The following PCDHGA4 variants were observed in gnomAD, a reference collection of about 807,000 sequenced individuals.
PCDHGA4 encodes protocadherin gamma-A4.
A neutral mutation model predicts 54.6 loss-of-function variants in PCDHGA4; 38 were observed. The observed-to-expected ratio is 0.70, with a 90% confidence interval of 0.54 to 0.91. The LOEUF (loss-of-function observed/expected upper bound fraction) is 0.91, where lower values mean the gene tolerates loss of function less well. Ranked by LOEUF, PCDHGA4 falls within the 40% of genes least tolerant of loss-of-function variation. The probability of loss-of-function intolerance (pLI) is 0.00; values close to 1 mark genes in which losing one functional copy is unlikely to be tolerated. For synonymous variants in PCDHGA4, 511 were observed against 512.9 expected (o/e 1.00, Z 0.05); for missense variants, 1,298 against 1,220.9 (o/e 1.06, Z -0.94).
intron 1 of PCDHGA4, chr5:141,361,681 G>A: frequency 1.2e-6 from 2 of 1,613,558 alleles, no homozygotes; most frequent in Admixed American, 1.7e-5. Context: ...GGTGGTGTTC[G>A]CGCAGCGCGC....
intron 1 of PCDHGA4, among the ~76,000 whole-genome samples, chr5:141,429,780 A>G (rs1301908729): frequency 1.3e-5 from 2 of 152,222 alleles, no homozygotes; most frequent in Non-Finnish European, 2.9e-5. Flanking sequence ...ATGGGCTTCC[A>G]AAAGTATTAC....
At chr5:141,419,600 G>A (rs1304962440) in intron 1 of PCDHGA4, 3 of 1,611,816 alleles carry the variant, frequency 1.9e-6, no homozygotes, top group Non-Finnish European at 2.5e-6. Context: ...AGTGCCGCGG[G>A]CCGCGCAGCC....
chr5:141,413,453 G>A lies in PCDHGA4; in HGVS notation c.2514+55832G>A, dbSNP rs761986113. 1.9e-5 allele frequency: 31 copies of A among 1,613,986 alleles called. 2 individuals carry two copies. In the South Asian group the frequency reaches 3.1e-4, roughly 16 times the overall value. On this transcript the variant is annotated intron_variant, in intron 1 of 3. Coordinates refer to ENST00000571252, the MANE Select transcript of PCDHGA4 (RefSeq NM_018917.4). ...AGCGGCAGCTTGATCACCGCGGGCA[G>A]GATAGACCGGGAGGAGCTCTGCGCT...
At chr5:141,510,408 T>C (rs1447722710) in intron 3 of PCDHGA4, among the ~76,000 whole-genome samples, 1 of 151,878 alleles carries the variant, frequency 6.6e-6, no homozygotes, top group African/African-American at 2.4e-5. Flanking sequence ...GCTAGGGGCA[T>C]GTAAAGCCAT....
chr5:141,409,669 C>A, intron 1 of PCDHGA4: 1 of 1,613,528 alleles, frequency 6.2e-7, no homozygotes, highest in Non-Finnish European at 8.5e-7. Context: ...ACATCTCCTA[C>A]TCTATAGTGG....
chr5:141,375,956 G>A (rs760158486), intron 1 of PCDHGA4: 16 of 1,613,506 alleles, frequency 9.9e-6, no homozygotes, highest in South Asian at 3.3e-5. Flanking sequence ...GCACACGGGC[G>A]AGGTGCGCAC....
intron 1 of PCDHGA4, chr5:141,370,473 C>A: frequency 6.2e-7 from 1 of 1,613,496 alleles, no homozygotes; most frequent in Non-Finnish European, 8.5e-7. Flanking sequence ...TTTGTTAGAC[C>A]AGGCTCTCTC....
intron 3 of PCDHGA4, 31 bp downstream of exon 3, chr5:141,505,512 T>C (rs754223095): frequency 6.2e-7 from 1 of 1,613,676 alleles, no homozygotes; most frequent in South Asian, 1.1e-5. Context: ...TATGGAAGAG[T>C]GGGAGACCTG....
rs947567666 is a variant in PCDHGA4, at chr5:141,422,270, T to C, written c.2514+64649T>C. ...GATGTGAATGATAACGCTCCAGAAA[T>C]AACTATCACCTCTTCTATTAATTCA... On this transcript the variant is annotated intron_variant, in intron 1 of 3. Transcript: ENST00000571252. 2.6e-6 allele frequency: 4 copies of C among 1,562,452 alleles called. No homozygotes were observed. The East Asian group carries it at 9.0e-5, about 35-fold the overall frequency.
At chr5:141,425,214 A>G (rs999893857) in intron 1 of PCDHGA4, among the ~76,000 whole-genome samples, 2 of 152,178 alleles carry the variant, frequency 1.3e-5, no homozygotes, top group Non-Finnish European at 2.9e-5. Context: ...AAGGCATTGT[A>G]CTTTGACTGG....
Position 141,356,080 on chromosome 5 carries a change from T to G in PCDHGA4, c.973T>G (p.Leu325Val). ...VRDKISQLFQ[L>V]NSLSGDITIL... ...AGACAAAATATCACAGCTATTTCAG[T>G]TGAATTCTCTGAGTGGGGATATAAC... The change falls in exon 1 of 4, where the codon TTG becomes GTG. Residue 325 changes from leucine (L) to valine (V), a missense_variant. By Grantham distance (32) the Leu-to-Val change is conservative. Transcript: ENST00000571252. 5.6e-6 allele frequency: 9 copies of G among 1,613,922 alleles called. No homozygotes were observed. The highest frequency in any genetic ancestry group is 7.6e-6 in the Non-Finnish European group (9 of 1,179,880).
intron 1 of PCDHGA4, chr5:141,418,005 A>G: frequency 6.2e-7 from 1 of 1,613,764 alleles, no homozygotes. Flanking sequence ...GTGGTGGGGA[A>G]CCTCGCTAAG....
At chr5:141,500,450 C>A (rs2099800340) in intron 2 of PCDHGA4, among the ~76,000 whole-genome samples, 1 of 152,072 alleles carries the variant, frequency 6.6e-6, no homozygotes, top group Non-Finnish European at 1.5e-5. Flanking sequence ...ACCTCGTGAT[C>A]CGCCCGCCTC....
intron 1 of PCDHGA4, 102 bp downstream of exon 1, chr5:141,357,723 T>TA: frequency 7.2e-6 from 10 of 1,391,112 alleles, no homozygotes; most frequent in Middle Eastern, 3.8e-4. Context: ...AAGTTGCCTC[T>TA]TTTAATATTT....
At chr5:141,375,816 C>A (rs755968729) in intron 1 of PCDHGA4, 6 of 1,614,194 alleles carry the variant, frequency 3.7e-6, no homozygotes, top group South Asian at 3.3e-5. Context: ...GTGGAGCTGG[C>A]GCCCCGCTCC....
intron 1 of PCDHGA4, among the ~76,000 whole-genome samples, chr5:141,473,185 G>A (rs1171761852): frequency 1.3e-5 from 2 of 152,188 alleles, no homozygotes; most frequent in Non-Finnish European, 2.9e-5. Flanking sequence ...ACTTGAAGGA[G>A]TAAATGTATC....
At chr5:141,448,748 G>A (rs1476665217) in intron 1 of PCDHGA4, among the ~76,000 whole-genome samples, 1 of 151,980 alleles carries the variant, frequency 6.6e-6, no homozygotes, top group Admixed American at 6.6e-5. Context: ...AGACCATCCT[G>A]GCTAACACGG....
intron 1 of PCDHGA4, chr5:141,361,228 G>A: frequency 6.2e-7 from 1 of 1,614,000 alleles, no homozygotes. Flanking sequence ...ACCAGGAACA[G>A]TGATCGCCTT....
intron 1 of PCDHGA4, chr5:141,393,906 G>C: frequency 1.2e-6 from 2 of 1,613,998 alleles, no homozygotes; most frequent in Non-Finnish European, 1.7e-6. Context: ...TCCCGGGACA[G>C]TAATTGCCTT....
Sources: gnomAD v4.1 joint callset for allele counts (sites outside exome capture counted in the v4.1 genomes callset) on GRCh38, gnomAD v4.1.1 for gene constraint, MANE v1.5 for transcripts, NCBI Gene and HGNC (gene_info 2026-07-23, HGNC 2026-07-21) for gene names.